KLHL29: variants seen among roughly 807,000 people sequenced by gnomAD.
KLHL29 encodes the protein kelch-like protein 29.
A neutral mutation model predicts 80.4 loss-of-function variants in KLHL29; 21 were observed. The observed-to-expected ratio is 0.26, with a 90% CI of 0.19 to 0.38. KLHL29 has a LOEUF of 0.38. KLHL29 is among the 10% of genes least tolerant of loss of function. The pLI, the probability that KLHL29 is intolerant of heterozygous loss-of-function variation, is 1.00. For missense variants in KLHL29, 867 were observed against 1,223.9 expected, an observed-to-expected ratio of 0.71 and a Z score of 4.35; for synonymous variants, 511 against 526.8, an observed-to-expected ratio of 0.97 and a Z score of 0.41.
chr2:23,409,954 G>A (rs573359696), intron 1 of KLHL29, among the ~76,000 whole-genome samples: 17 of 152,170 alleles, frequency 1.1e-4, no homozygotes, highest in Non-Finnish European at 2.2e-4. Flanking sequence ...CAGGGATGAT[G>A]CATTCCAGGC....
chr2:23,682,603 C>A lies in KLHL29; in HGVS notation c.941-1796C>A, dbSNP rs1671117801. Among the ~76,000 whole-genome samples the A allele has an allele frequency of 6.6e-6, 1 of 152,226 alleles. No individual in the cohort carries two copies. Among genetic ancestry groups the A allele is most frequent in the Non-Finnish European group, 1.5e-5 (1 of 68,036 alleles). Reference sequence around the variant, plus strand: ...GACTGTTGCGATCTGGCCCCGCCCACCGCCTCATTGTGTTCCCTGTTGCCC... The same window carrying A: ...GACTGTTGCGATCTGGCCCCGCCCAACGCCTCATTGTGTTCCCTGTTGCCC... On this transcript the variant is annotated intron_variant, in intron 5 of 13. Transcript: ENST00000486442. The surrounding 1 kb of genome is among the most constrained non-coding windows in gnomAD (Gnocchi z 4.1).
At chr2:23,512,142 C>T (rs1326062190) in intron 2 of KLHL29, among the ~76,000 whole-genome samples, 3 of 152,092 alleles carry the variant, frequency 2.0e-5, no homozygotes, top group Non-Finnish European at 4.4e-5. Flanking sequence ...TCAGTTTCCT[C>T]GTCTTTAAGA....
intron 3 of KLHL29, among the ~76,000 whole-genome samples, chr2:23,618,821 T>C (rs1669090038): frequency 6.6e-6 from 1 of 152,220 alleles, no homozygotes; most frequent in Non-Finnish European, 1.5e-5. Flanking sequence ...ACCCATAGCT[T>C]GATCAAGCTA....
At position 23,695,577 on chromosome 2, in the gene KLHL29, C is replaced by A. The variant is rs749512639; in HGVS notation, c.1543-46C>A. On this transcript the variant is annotated intron_variant, in intron 8 of 13. Transcript: ENST00000486442. This position sits in a 1 kb window ranked among gnomAD's most constrained non-coding sequence, Gnocchi z 7.6. ...CCATTTCTTTCCGTCCGGGAGGTGG[C>A]TCTCTCTTGCTAGTCTAAGAAGATT... 9 of 1,346,384 alleles carry A rather than the reference C, an allele frequency of 6.7e-6. No homozygotes were observed. Among genetic ancestry groups the A allele is most frequent in the Non-Finnish European group, 1.0e-6 (1 of 987,510 alleles). 83.4% of individuals were successfully genotyped at this position (1,346,384 alleles called of 1,614,324 possible).
chr2:23,473,082 CAGAG>C (rs150144309), intron 1 of KLHL29, among the ~76,000 whole-genome samples: 1 of 152,082 alleles, frequency 6.6e-6, no homozygotes, highest in Non-Finnish European at 1.5e-5. Context: ...TACAGGAATC[CAGAG>C]AGAGAGCCTT....
chr2:23,532,299 T>A (rs186577968), intron 2 of KLHL29, among the ~76,000 whole-genome samples: 1 of 152,316 alleles, frequency 6.6e-6, no homozygotes, highest in Non-Finnish European at 1.5e-5. Context: ...AAAACTCTAT[T>A]AACTCCCTGT....
At chr2:23,528,477 G>C (rs1317022876) in intron 2 of KLHL29, among the ~76,000 whole-genome samples, 1 of 152,130 alleles carries the variant, frequency 6.6e-6, no homozygotes, top group Non-Finnish European at 1.5e-5. Flanking sequence ...GTCACCTGTG[G>C]ACCCTGCAGC....
rs1177242026 is a variant in KLHL29, at chr2:23,609,846, G to A, written c.286-29293G>A. ...CAAAGAGATTAAATAGTTGGTGCAA[G>A]ACTACACTAATCTAAGTAGCAAATG... is the stretch of plus-strand genomic sequence containing the variant. On this transcript the variant is annotated intron_variant, in intron 3 of 13. Transcript: ENST00000486442. Among the ~76,000 whole-genome samples, 5 of 152,122 alleles carry A rather than the reference G, an allele frequency of 3.3e-5. No individual in the cohort carries two copies. The East Asian group carries it at 7.7e-4, about 23-fold the overall frequency.
chr2:23,691,524 A>G, intron 6 of KLHL29, 150 bp from the exon 7 acceptor site: 1 of 629,316 alleles, frequency 1.6e-6, no homozygotes, highest in Non-Finnish European at 2.8e-6. Flanking sequence ...ATCCCGTGTC[A>G]CAGCATTAGG....
intron 5 of KLHL29, among the ~76,000 whole-genome samples, chr2:23,677,947 A>G (rs1406764640): frequency 6.6e-6 from 1 of 152,216 alleles, no homozygotes; most frequent in African/African-American, 2.4e-5. Context: ...AGCTCTGAAA[A>G]AAATGATTTG....
intron 3 of KLHL29, among the ~76,000 whole-genome samples, chr2:23,638,085 T>TAAAAAAAAAAAA (rs553356362): frequency 9.0e-6 from 1 of 111,594 alleles, no homozygotes; most frequent in African/African-American, 3.4e-5. Context: ...ATGGCCATAG[T>TAAAAAAAAAAAA]AAAAAAAAAA....
chr2:23,449,511 A>T, intron 1 of KLHL29, among the ~76,000 whole-genome samples: 1 of 152,102 alleles, frequency 6.6e-6, no homozygotes, highest in East Asian at 1.9e-4. Flanking sequence ...GGGACCTGTC[A>T]CATGCTTGGG....
At chr2:23,654,190 A>C (rs1376528370) in intron 5 of KLHL29, among the ~76,000 whole-genome samples, 1 of 151,726 alleles carries the variant, frequency 6.6e-6, no homozygotes, top group Middle Eastern at 3.2e-3. Flanking sequence ...AAAAAAAAAA[A>C]CTAAATCACC....
At chr2:23,554,372 C>T (rs1667225775) in intron 2 of KLHL29, among the ~76,000 whole-genome samples, 1 of 152,218 alleles carries the variant, frequency 6.6e-6, no homozygotes, top group Non-Finnish European at 1.5e-5. Context: ...TGATCGGGGC[C>T]GGCCGGGCCG....
chr2:23,425,961 C>T (rs1031340212), intron 1 of KLHL29, among the ~76,000 whole-genome samples: 3 of 152,162 alleles, frequency 2.0e-5, no homozygotes, highest in East Asian at 1.9e-4. Context: ...ATACATTCTC[C>T]CAGGCTCCCA....
intron 3 of KLHL29, among the ~76,000 whole-genome samples, chr2:23,598,167 A>T (rs1456483258): frequency 6.6e-6 from 1 of 152,232 alleles, no homozygotes; most frequent in Non-Finnish European, 1.5e-5. Flanking sequence ...CATTTATTAA[A>T]TCTTTACTAC....
intron 5 of KLHL29, among the ~76,000 whole-genome samples, chr2:23,671,465 A>T (rs1487401270): frequency 1.3e-5 from 2 of 152,178 alleles, no homozygotes. Flanking sequence ...GCGAGGTTTC[A>T]TGAGCACATA....
intron 2 of KLHL29, among the ~76,000 whole-genome samples, chr2:23,536,415 C>A (rs529229215): frequency 6.6e-6 from 1 of 152,316 alleles, no homozygotes; most frequent in South Asian, 2.1e-4. Context: ...AGAATGATAC[C>A]CGGGTACTTG....
chr2:23,625,711 G>T lies in KLHL29; in HGVS notation c.286-13428G>T, dbSNP rs538717587. 5.0e-3 allele frequency among the ~76,000 whole-genome samples: 769 copies of T among 152,344 alleles called. 5 individuals carry two copies. Among genetic ancestry groups the T allele is most frequent in the African/African-American group, 0.017 (704 of 41,574 alleles). ...TTGTGCAGGCTGCGTGGATCTTATG[G>T]ACTGAATTGTGCCCCCAGCAAATTC... On this transcript the variant is annotated intron_variant, in intron 3 of 13. Coordinates refer to ENST00000486442, the MANE Select transcript of KLHL29 (RefSeq NM_052920.2).
Sources: gnomAD v4.1 joint callset for allele counts (sites outside exome capture counted in the v4.1 genomes callset) on GRCh38, gnomAD v4.1.1 for gene constraint, Gnocchi (gnomAD v3.1) non-coding constraint, MANE v1.5 for transcripts, NCBI Gene and HGNC (gene_info 2026-07-23, HGNC 2026-07-21) for gene names.